The following CSMD2 variants were observed in gnomAD, a reference collection of about 807,000 sequenced individuals.
The protein encoded by CSMD2 is CUB and sushi domain-containing protein 2.
A neutral mutation model predicts 398.5 loss-of-function variants in CSMD2; 130 were observed. The ratio of observed to expected loss-of-function variants is 0.33; its 90% CI spans 0.28 to 0.38. CSMD2 has a LOEUF of 0.38. CSMD2 is among the 10% of genes least tolerant of loss of function. The probability of loss-of-function intolerance (pLI) is 1.00; values close to 1 mark genes in which losing one functional copy is unlikely to be tolerated. For missense variants in CSMD2, 3,829 were observed against 4,764.9 expected, an observed-to-expected ratio of 0.80 and a Z score of 5.78; for synonymous variants, 1,828 against 1,908.5, an observed-to-expected ratio of 0.96 and a Z score of 1.10.
intron 25 of CSMD2, among the ~76,000 whole-genome samples, chr1:33,665,081 A>G (rs1213187646): frequency 2.6e-5 from 4 of 152,190 alleles, no homozygotes; most frequent in African/African-American, 9.7e-5. Context: ...ATCTCTGCAC[A>G]TATTTACTGG....
In CSMD2 at chr1:33,597,885, C is replaced by T. The variant is rs192040184; in HGVS notation, c.6856+2980G>A. On this transcript the variant is annotated intron_variant, in intron 44 of 70. Transcript: ENST00000373381. ...TATATTTTCATGCAATGAAATCATA[C>T]AGCATTGAAAAATGAGTTAAGTGCA... Among the ~76,000 whole-genome samples the T allele has an allele frequency of 4.3e-3, 648 of 152,326 alleles. 2 individuals are homozygous for T. The highest frequency in any genetic ancestry group is 7.0e-3 in the Admixed American group (107 of 15,302).
chr1:33,856,670 T>C (rs540774393), intron 5 of CSMD2, among the ~76,000 whole-genome samples: 1 of 152,174 alleles, frequency 6.6e-6, no homozygotes, highest in Admixed American at 6.5e-5. Flanking sequence ...CAGCTAGTGG[T>C]CCCTGCCAGA....
intron 2 of CSMD2, among the ~76,000 whole-genome samples, chr1:34,074,432 A>G (rs905768708): frequency 1.3e-5 from 2 of 152,280 alleles, no homozygotes; most frequent in South Asian, 2.1e-4. Flanking sequence ...ACACCAGCCA[A>G]AATGAACCTA....
intron 20 of CSMD2, among the ~76,000 whole-genome samples, chr1:33,715,048 C>T (rs1195508394): frequency 1.3e-5 from 2 of 152,150 alleles, no homozygotes; most frequent in Non-Finnish European, 2.9e-5. Flanking sequence ...GGGCGGTCTG[C>T]ACCCACTCCT....
At chr1:33,968,280 T>C (rs1645633417) in intron 3 of CSMD2, among the ~76,000 whole-genome samples, 1 of 152,204 alleles carries the variant, frequency 6.6e-6, no homozygotes, top group Admixed American at 6.5e-5. Flanking sequence ...CCTCTTGCTG[T>C]CCATCTTTAG....
At chr1:33,842,108 C>G (rs981564194) in intron 6 of CSMD2, among the ~76,000 whole-genome samples, 3 of 152,092 alleles carry the variant, frequency 2.0e-5, no homozygotes, top group Non-Finnish European at 2.9e-5. Context: ...TGCCCCAGAC[C>G]ATCTTTGTTA....
At chr1:33,716,222 T>C in intron 20 of CSMD2, 64 bp downstream of exon 20, 4 of 1,341,894 alleles carry the variant, frequency 3.0e-6, no homozygotes, top group Non-Finnish European at 4.3e-6. Flanking sequence ...CAGAGACTGG[T>C]AGCAGAAGGA....
chr1:33,725,082 C>A (rs1054352979), intron 17 of CSMD2, among the ~76,000 whole-genome samples: 1 of 152,158 alleles, frequency 6.6e-6, no homozygotes, highest in Non-Finnish European at 1.5e-5. Flanking sequence ...TCCCAGAGTG[C>A]CCAGCGTGGC....
chr1:33,849,393 GATATACTGAGAGT>G (rs1282107606), intron 5 of CSMD2, among the ~76,000 whole-genome samples: 1 of 152,156 alleles, frequency 6.6e-6, no homozygotes, highest in South Asian at 2.1e-4. Flanking sequence ...CATCAAAGAG[GATATACTGAGAGT>G]ATATACTGAG....
intron 1 of CSMD2, among the ~76,000 whole-genome samples, chr1:34,128,557 T>C (rs964059166): frequency 6.6e-6 from 1 of 152,120 alleles, no homozygotes; most frequent in African/African-American, 2.4e-5. Context: ...GGCAGAGGCA[T>C]AGACCTGTCT....
intron 44 of CSMD2, chr1:33,592,259 A>G (rs577565851): frequency 8.6e-4 from 565 of 656,196 alleles, no homozygotes; most frequent in Non-Finnish European, 1.3e-3. Flanking sequence ...TTTGGTCCAC[A>G]TGGAAAGTAG....
chr1:33,559,426 C>T lies in CSMD2; in HGVS notation c.8428G>A (p.Gly2810Ser). 6.5e-7 allele frequency: 1 copy of T among 1,536,094 alleles called. No homozygotes were observed. Among genetic ancestry groups the T allele is most frequent in the Non-Finnish European group, 8.7e-7 (1 of 1,146,882 alleles). The change falls in exon 54 of 71, where the codon GGT becomes AGT. Residue 2810 changes from glycine to serine, a missense_variant. Coordinates refer to ENST00000373381, the MANE Select transcript of CSMD2 (RefSeq NM_001281956.2). The surrounding 1 kb of genome is among the most constrained non-coding windows in gnomAD (Gnocchi z 4.0). ...ACATCGTTGAGGTTAAACTGGTTAC[C>T]CTGAGTGAGGCCGTTGACAGGGTTG... ...PGNPVNGLTQ[G>S]NQFNLNDVVK...
intron 15 of CSMD2, among the ~76,000 whole-genome samples, chr1:33,735,844 C>T (rs534231627): frequency 4.1e-4 from 62 of 152,130 alleles, no homozygotes; most frequent in African/African-American, 1.3e-3. Context: ...AGAAAAAAAA[C>T]GGAAAAGACA....
intron 65 of CSMD2, among the ~76,000 whole-genome samples, chr1:33,525,335 G>T (rs188936284): frequency 6.6e-6 from 1 of 152,130 alleles, no homozygotes; most frequent in Non-Finnish European, 1.5e-5. Flanking sequence ...AAAGAAAAGG[G>T]TATATATACA....
chr1:33,960,422 G>A (rs954596179), intron 3 of CSMD2, among the ~76,000 whole-genome samples: 4 of 152,214 alleles, frequency 2.6e-5, no homozygotes, highest in Non-Finnish European at 5.9e-5. Context: ...TTGGAACCCT[G>A]ATGCTCTCTG....
chr1:33,533,691 T>C lies in CSMD2; in HGVS notation c.9991+105A>G, dbSNP rs1655478305. ...ACAAAGAGACCGATGTCGGTTCGCA[T>C]GGGGAGTTGTGAACTCCCTGTCATT... On this transcript the variant is annotated intron_variant, in intron 63 of 70. Transcript: ENST00000373381. The surrounding 1 kb of genome is among the most constrained non-coding windows in gnomAD (Gnocchi z 4.2). 1.9e-5 allele frequency: 14 copies of C among 722,206 alleles called. No homozygotes were observed. In the Admixed American group the frequency reaches 3.2e-4, roughly 16 times the overall value. 44.7% of individuals were successfully genotyped at this position (722,206 alleles called of 1,614,324 possible).
At chr1:33,925,685 T>C (rs1430104256) in intron 4 of CSMD2, among the ~76,000 whole-genome samples, 7 of 152,158 alleles carry the variant, frequency 4.6e-5, no homozygotes. Flanking sequence ...ACCATGGGCC[T>C]GATTACACCA....
At chr1:33,529,450 G>A (rs903543782) in intron 64 of CSMD2, among the ~76,000 whole-genome samples, 2 of 152,180 alleles carry the variant, frequency 1.3e-5, no homozygotes, top group Non-Finnish European at 2.9e-5. Flanking sequence ...AGAGATCAAT[G>A]GAATAGAATA....
At chr1:34,098,529 C>G (rs1659630382) in intron 1 of CSMD2, among the ~76,000 whole-genome samples, 1 of 151,850 alleles carries the variant, frequency 6.6e-6, no homozygotes, top group East Asian at 1.9e-4. Context: ...TCACAAGATA[C>G]TAAACAGCAT....
Sources: allele counts gnomAD v4.1 joint callset (sites outside exome capture counted in the v4.1 genomes callset), GRCh38; gene constraint gnomAD v4.1.1; non-coding constraint Gnocchi (gnomAD v3.1); transcripts MANE v1.5; gene names NCBI Gene and HGNC (gene_info 2026-07-23, HGNC 2026-07-21).